Variants in ABCA13 observed in about 807,000 individuals in gnomAD.
The protein encoded by ABCA13 is ATP binding cassette subfamily A member 13.
Under a neutral mutation model 478.7 loss-of-function variants are expected in ABCA13, and 476 were observed. The observed-to-expected ratio is 0.99, with a 90% CI of 0.92 to 1.07. The LOEUF (loss-of-function observed/expected upper bound fraction) is 1.07. Ranked by LOEUF, ABCA13 falls within the 50% of genes least tolerant of loss-of-function variation. The pLI is 0.00. For synonymous variants in ABCA13, 2,252 were observed against 2,158.9 expected (o/e 1.04, Z -1.20); for missense variants, 6,060 against 5,910.6 (o/e 1.03, Z -0.83).
intron 58 of ABCA13, among the ~76,000 whole-genome samples, chr7:48,596,264 T>A (rs1399757638): frequency 6.6e-6 from 1 of 152,202 alleles, no homozygotes; most frequent in Non-Finnish European, 1.5e-5. Context: ...TTTAAAAAAA[T>A]TCATTCACTG....
rs1466339697 is a variant in ABCA13 at position 48,511,027 on chromosome 7, T to G, written c.13525-57T>G. On this transcript the variant is annotated intron_variant, in intron 50 of 61. Coordinates refer to ENST00000435803, the MANE Select transcript of ABCA13 (RefSeq NM_152701.5). ...AGGAAACTTCAGGATAAGTAGATGA[T>G]AATAAATATGACCATCTGATGTAAC... 3.7e-6 allele frequency: 5 copies of G among 1,359,782 alleles called. No homozygotes were observed. The East Asian group carries it at 1.1e-4, about 31-fold the overall frequency. The allele number at this position is 1,359,782 out of a possible 1,614,324, so 84.2% of individuals were successfully genotyped here. A position where few individuals can be genotyped will look rare whatever the true frequency, so the allele number is the denominator to read the frequency against.
chr7:48,251,408 A>G (rs1792534131), intron 15 of ABCA13, among the ~76,000 whole-genome samples: 1 of 152,214 alleles, frequency 6.6e-6, no homozygotes, highest in South Asian at 2.1e-4. Context: ...GATAGGTACC[A>G]TTATGATTTC....
At chr7:48,446,407 A>G (rs1404569351) in intron 42 of ABCA13, among the ~76,000 whole-genome samples, 2 of 149,772 alleles carry the variant, frequency 1.3e-5, no homozygotes, top group Non-Finnish European at 3.0e-5. Flanking sequence ...AAAAAAAAAG[A>G]AACCTTATTC....
intron 51 of ABCA13, among the ~76,000 whole-genome samples, chr7:48,513,457 A>G (rs1337483623): frequency 2.0e-5 from 3 of 152,224 alleles, no homozygotes; most frequent in African/African-American, 7.2e-5. Context: ...CCTAAAATGA[A>G]TGAAAGAAAA....
chr7:48,288,143 C>T, intron 20 of ABCA13, 65 bp downstream of exon 20: 1 of 1,415,968 alleles, frequency 7.1e-7, no homozygotes, highest in Non-Finnish European at 1.0e-6. Context: ...CAAGGCAGTC[C>T]AGTTATTCAA....
At chr7:48,385,783 AT>A (rs1288802396) in intron 35 of ABCA13, among the ~76,000 whole-genome samples, 2 of 152,204 alleles carry the variant, frequency 1.3e-5, no homozygotes, top group Non-Finnish European at 2.9e-5. Context: ...CCAACAGTGT[AT>A]AAGCATTCCT....
At chr7:48,484,299 C>T (rs1464820648) in intron 47 of ABCA13, among the ~76,000 whole-genome samples, 2 of 152,180 alleles carry the variant, frequency 1.3e-5, no homozygotes, top group African/African-American at 4.8e-5. Context: ...TCAGGAATCT[C>T]TCCAACAGCT....
rs1812764520 is a variant in ABCA13, at chr7:48,372,350, C to T, written c.10986C>T (p.Val3662=). 1.2e-6 allele frequency: 2 copies of T among 1,613,940 alleles called. No individual in the cohort carries two copies. Among genetic ancestry groups the T allele is most frequent in the South Asian group, 1.1e-5 (1 of 91,084 alleles). ...LFLLDFGMSV[V]MLSYLLSAFF... ...TCTTGGATTTTGGGATGTCAGTCGT[C>T]ATGCTGAGCTACCTCTTGAGTGCAT... Residue 3662 remains valine, a synonymous_variant, in exon 33 of 62, where the codon GTC becomes GTT. Transcript: ENST00000435803.
At chr7:48,230,105 C>A in intron 7 of ABCA13, 150 bp downstream of exon 7, 2 of 1,032,626 alleles carry the variant, frequency 1.9e-6, no homozygotes, top group Non-Finnish European at 2.6e-6. Context: ...TAATACAAGA[C>A]AAAAATAGAA....
intron 17 of ABCA13, among the ~76,000 whole-genome samples, chr7:48,277,882 T>C (rs1399630718): frequency 6.6e-6 from 1 of 152,190 alleles, no homozygotes; most frequent in Non-Finnish European, 1.5e-5. Context: ...ACAGAATTTG[T>C]TCATGAAATT....
intron 29 of ABCA13, among the ~76,000 whole-genome samples, chr7:48,340,558 T>G (rs1203089682): frequency 6.6e-6 from 1 of 152,212 alleles, no homozygotes; most frequent in Non-Finnish European, 1.5e-5. Flanking sequence ...TCGGAGTTCT[T>G]TTTTAGGTGA....
chr7:48,289,683 G>C (rs1167737463), intron 20 of ABCA13, among the ~76,000 whole-genome samples: 2 of 152,088 alleles, frequency 1.3e-5, no homozygotes, highest in African/African-American at 4.8e-5. Context: ...TTTTAGTGAT[G>C]AGTGAAGGTT....
At chr7:48,181,540 G>T (rs1252017021) in intron 1 of ABCA13, among the ~76,000 whole-genome samples, 1 of 150,312 alleles carries the variant, frequency 6.7e-6, no homozygotes, top group Non-Finnish European at 1.5e-5. Flanking sequence ...TTACTTGTGA[G>T]TTGTATAATG....
chr7:48,527,670 A>G (rs1832972595), intron 54 of ABCA13, among the ~76,000 whole-genome samples: 1 of 152,194 alleles, frequency 6.6e-6, no homozygotes, highest in Admixed American at 6.5e-5. Flanking sequence ...TTTAATTAAT[A>G]TCAAGATTAG....
chr7:48,346,510 A>G (rs1461822043), intron 29 of ABCA13, among the ~76,000 whole-genome samples: 1 of 142,388 alleles, frequency 7.0e-6, no homozygotes, highest in Non-Finnish European at 1.5e-5. Flanking sequence ...CTTCTCCATT[A>G]AAAAAAAAAG....
chr7:48,247,271 G>A (rs866903535), intron 13 of ABCA13, among the ~76,000 whole-genome samples: 35 of 151,958 alleles, frequency 2.3e-4, no homozygotes, highest in African/African-American at 8.0e-4. Flanking sequence ...TAAGAAAAGT[G>A]TATGTGAATG....
chr7:48,436,136 A>G (rs1442883227), intron 42 of ABCA13, among the ~76,000 whole-genome samples: 1 of 151,660 alleles, frequency 6.6e-6, no homozygotes, highest in Admixed American at 6.6e-5. Flanking sequence ...TTACCAGTGA[A>G]GACATCTGAG....
chr7:48,581,504 G>A (rs925616669), intron 56 of ABCA13, among the ~76,000 whole-genome samples: 2 of 152,048 alleles, frequency 1.3e-5, no homozygotes, highest in Non-Finnish European at 2.9e-5. Context: ...ATTTTTAATC[G>A]GTGTTTATCT....
chr7:48,647,216 T>A lies in ABCA13; in HGVS notation c.*1704T>A, dbSNP rs775452692. ...TCATTAAATCTCTATTTCCTAAATA[T>A]CATTCTATACAAAAGATATTTTTTA... On this transcript the variant is annotated 3_prime_UTR_variant, in exon 62 of 62. Coordinates refer to ENST00000435803, the MANE Select transcript of ABCA13 (RefSeq NM_152701.5). 5.9e-5 allele frequency: 9 copies of A among 152,348 alleles called. No individual in the cohort carries two copies. The highest frequency in any genetic ancestry group is 9.6e-5 in the African/African-American group (4 of 41,588). 9.4% of individuals were successfully genotyped at this position (152,348 alleles called of 1,614,324 possible). A position where few individuals can be genotyped will look rare whatever the true frequency, so the allele number is the denominator to read the frequency against.
Sources: gnomAD v4.1 joint callset for allele counts (sites outside exome capture counted in the v4.1 genomes callset) on GRCh38, gnomAD v4.1.1 for gene constraint, MANE v1.5 for transcripts, NCBI Gene and HGNC (gene_info 2026-07-23, HGNC 2026-07-21) for gene names.